IL1RAPL2: variants seen among roughly 807,000 people sequenced by gnomAD.
IL1RAPL2 encodes the protein interleukin 1 receptor accessory protein like 2, also known as X-linked interleukin-1 receptor accessory protein-like 2.
A neutral mutation model predicts 44.1 loss-of-function variants in IL1RAPL2; 3 were observed. The observed-to-expected ratio is 0.07, with a 90% confidence interval of 0.03 to 0.18. The LOEUF (loss-of-function observed/expected upper bound fraction) is 0.18, where lower values mean the gene tolerates loss of function less well. Among genes scored for constraint, IL1RAPL2 ranks in the 10% least tolerant of loss-of-function variants. The pLI is 1.00. For missense variants in IL1RAPL2, 391 were observed against 496.4 expected (o/e 0.79, Z 2.02); for synonymous variants, 181 against 178.8 (o/e 1.01, Z -0.10).
chrX:105,104,325 A>T (rs2032709772), intron 2 of IL1RAPL2, among the ~76,000 whole-genome samples: 1 of 111,822 alleles, frequency 8.9e-6, no homozygotes, highest in African/African-American at 3.3e-5. Flanking sequence ...TTTATAGCAG[A>T]TGTTGGGGGT....
chrX:104,917,754 A>T (rs1226822310), intron 2 of IL1RAPL2, among the ~76,000 whole-genome samples: 1 of 112,074 alleles, frequency 8.9e-6, no homozygotes, highest in East Asian at 2.8e-4. Context: ...GAGGTGAGCC[A>T]TCAGCTGAAA....
At chrX:104,641,260 G>T (rs965608490) in intron 1 of IL1RAPL2, among the ~76,000 whole-genome samples, 2 of 111,170 alleles carry the variant, frequency 1.8e-5, no homozygotes, top group Non-Finnish European at 3.8e-5. Context: ...AGGTGCCCAC[G>T]GTGGTAGACT....
intron 2 of IL1RAPL2, among the ~76,000 whole-genome samples, chrX:105,090,117 C>T (rs1301471149): frequency 1.8e-5 from 2 of 111,056 alleles, no homozygotes; most frequent in East Asian, 2.9e-4. Flanking sequence ...GTCAAACATC[C>T]GAGTACATAA....
chrX:104,889,155 T>C (rs1225330399), intron 2 of IL1RAPL2, among the ~76,000 whole-genome samples: 3 of 110,686 alleles, frequency 2.7e-5, no homozygotes, highest in Non-Finnish European at 5.7e-5. Flanking sequence ...TCCTCCCTAC[T>C]TAACAAACAG....
chrX:104,575,014 T>C (rs933347974), intron 1 of IL1RAPL2, among the ~76,000 whole-genome samples: 33 of 112,105 alleles, frequency 2.9e-4, no homozygotes, highest in African/African-American at 1.0e-3. Context: ...TGGTACTCAA[T>C]ACTCTGCTTA....
In IL1RAPL2 at chrX:105,360,287, G is replaced by A. The variant is rs148766996; in HGVS notation, c.697+92746G>A. Among the ~76,000 whole-genome samples the A allele has an allele frequency of 7.4e-3, 817 of 110,912 alleles. 9 individuals carry two copies. Among genetic ancestry groups the A allele is most frequent in the Middle Eastern group, 0.019 (4 of 215 alleles). On this transcript the variant is annotated intron_variant, in intron 5 of 10. Coordinates refer to ENST00000372582, the MANE Select transcript of IL1RAPL2 (RefSeq NM_017416.2). ...ATACCTGATTTCTTTCAGGCTCTAGGCCTATGTCAATTGGATTGATTTTAT... is the reference window on the plus strand; with the variant it reads ...ATACCTGATTTCTTTCAGGCTCTAGACCTATGTCAATTGGATTGATTTTAT...
intron 2 of IL1RAPL2, among the ~76,000 whole-genome samples, chrX:104,854,906 A>G (rs1922317507): frequency 8.9e-6 from 1 of 111,776 alleles, no homozygotes; most frequent in Non-Finnish European, 1.9e-5. Context: ...TACCAGAAGA[A>G]GAGAACATTG....
At chrX:105,315,224 G>A (rs1297700147) in intron 5 of IL1RAPL2, among the ~76,000 whole-genome samples, 29 of 109,966 alleles carry the variant, frequency 2.6e-4, no homozygotes, top group African/African-American at 9.6e-4. Context: ...CCATCAACAG[G>A]GAACAACTTG....
chrX:105,586,853 C>T (rs1033711229), intron 6 of IL1RAPL2, among the ~76,000 whole-genome samples: 6 of 112,351 alleles, frequency 5.3e-5, no homozygotes, highest in African/African-American at 1.9e-4. Flanking sequence ...TCTCTCTTCT[C>T]TGGTATTTAA....
chrX:104,764,207 T>TC (rs1259668361), intron 2 of IL1RAPL2, among the ~76,000 whole-genome samples: 1 of 111,134 alleles, frequency 9.0e-6, no homozygotes, highest in Non-Finnish European at 1.9e-5. Context: ...GAATTTTTTT[T>TC]CATTTTTTGG....
intron 6 of IL1RAPL2, among the ~76,000 whole-genome samples, chrX:105,703,583 A>T (rs1368198075): frequency 8.9e-6 from 1 of 111,758 alleles, no homozygotes; most frequent in Non-Finnish European, 1.9e-5. Context: ...GCCAACAGTC[A>T]GTGTGTGTTC....
chrX:104,730,614 G>C (rs1458731938), intron 2 of IL1RAPL2, among the ~76,000 whole-genome samples: 1 of 103,856 alleles, frequency 9.6e-6, no homozygotes, highest in Non-Finnish European at 2.0e-5. Context: ...TCTTAATCCA[G>C]TCTATCATCG....
intron 6 of IL1RAPL2, among the ~76,000 whole-genome samples, chrX:105,538,888 C>A (rs1334437350): frequency 9.0e-6 from 1 of 111,423 alleles, no homozygotes; most frequent in East Asian, 2.8e-4. Context: ...CATTACTACA[C>A]ACCAATAATG....
rs751614684 is a variant in IL1RAPL2, at chrX:104,683,268, G to A, written c.82+24273G>A. 2.7e-5 allele frequency among the ~76,000 whole-genome samples: 3 copies of A among 111,908 alleles called. No individual in the cohort carries two copies. The East Asian group carries it at 8.5e-4, about 32-fold the overall frequency. On this transcript the variant is annotated intron_variant, in intron 2 of 10. Coordinates refer to ENST00000372582, the MANE Select transcript of IL1RAPL2 (RefSeq NM_017416.2). The stretch of plus-strand genomic sequence containing the variant: ...GGATCAAGTGCTGGATGAAGATTCT[G>A]TACACCTTGATTCTAGTCCTGGGAA...
At chrX:105,227,933 T>C (rs1272248040) in intron 3 of IL1RAPL2, among the ~76,000 whole-genome samples, 19 of 112,028 alleles carry the variant, frequency 1.7e-4, no homozygotes, top group Non-Finnish European at 3.8e-5. Flanking sequence ...ATGTATATTC[T>C]TTTTTCCCCC....
intron 2 of IL1RAPL2, among the ~76,000 whole-genome samples, chrX:104,981,633 G>C (rs188991417): frequency 5.2e-4 from 58 of 110,629 alleles, no homozygotes; most frequent in Admixed American, 4.8e-3. Flanking sequence ...AATGGTGAGA[G>C]TGGGCATCTT....
At chrX:105,385,535 G>T (rs1233685108) in intron 5 of IL1RAPL2, among the ~76,000 whole-genome samples, 2 of 110,491 alleles carry the variant, frequency 1.8e-5, no homozygotes, top group Non-Finnish European at 3.8e-5. Context: ...AAAAATCCAG[G>T]TATGAGAAAA....
chrX:105,557,401 C>T (rs908945029), intron 6 of IL1RAPL2, among the ~76,000 whole-genome samples: 20 of 111,354 alleles, frequency 1.8e-4, no homozygotes, highest in Non-Finnish European at 2.5e-4. Context: ...TTACATTCTG[C>T]CACACCCTGA....
chrX:105,447,572 C>CATAAATATATATTTATATAAATATAAAA (rs2035976537), intron 5 of IL1RAPL2, among the ~76,000 whole-genome samples: 1 of 64,977 alleles, frequency 1.5e-5, no homozygotes, highest in Non-Finnish European at 2.6e-5. Context: ...AATATATAAA[C>CATAAATATATATTTATATAAATATAAAA]ATAAATATAT....
Sources: allele counts gnomAD v4.1 joint callset (sites outside exome capture counted in the v4.1 genomes callset), GRCh38; gene constraint gnomAD v4.1.1; transcripts MANE v1.5; gene names NCBI Gene and HGNC (gene_info 2026-07-23, HGNC 2026-07-21).